Variants in CNKSR3 observed in about 807,000 individuals in gnomAD.
CNKSR3 encodes the protein CNKSR family member 3.
CNKSR3 carries 36 observed loss-of-function variants against 67.7 expected under a neutral mutation model. The observed-to-expected ratio is 0.53, with a 90% CI of 0.41 to 0.70. The LOEUF is 0.70. Ranked by LOEUF, CNKSR3 falls within the 30% of genes least tolerant of loss-of-function variation. CNKSR3 has a pLI of 0.00. For missense variants in CNKSR3, 630 were observed against 695.2 expected (o/e 0.91, Z 1.05); for synonymous variants, 281 against 271.4 (o/e 1.04, Z -0.35).
intron 1 of CNKSR3, among the ~76,000 whole-genome samples, chr6:154,487,186 T>C (rs983769261): frequency 3.3e-5 from 5 of 152,246 alleles, no homozygotes; most frequent in Admixed American, 2.0e-4. Flanking sequence ...AGTTTACTAT[T>C]TATAAAAGGC....
intron 1 of CNKSR3, among the ~76,000 whole-genome samples, chr6:154,489,570 T>A (rs959598103): frequency 5.9e-5 from 9 of 151,862 alleles, no homozygotes; most frequent in Non-Finnish European, 1.2e-4. Context: ...AAAGTCACTC[T>A]ATTGTATATT....
At chr6:154,420,774 T>C (rs1460173775) in intron 9 of CNKSR3, among the ~76,000 whole-genome samples, 1 of 151,878 alleles carries the variant, frequency 6.6e-6, no homozygotes, top group Admixed American at 6.6e-5. Context: ...TTTTAAGTGT[T>C]CTTGCCACAA....
chr6:154,477,719 C>G (rs1290579366), intron 1 of CNKSR3, among the ~76,000 whole-genome samples: 2 of 152,126 alleles, frequency 1.3e-5, no homozygotes, highest in African/African-American at 2.4e-5. Context: ...TTGGGCCCAC[C>G]CAAGGTAGCC....
chr6:154,476,045 G>A (rs1170958550), intron 1 of CNKSR3, among the ~76,000 whole-genome samples: 8 of 151,778 alleles, frequency 5.3e-5, no homozygotes, highest in South Asian at 2.1e-4. Context: ...TTTCGGATAT[G>A]GATGGTTCAG....
intron 2 of CNKSR3, among the ~76,000 whole-genome samples, chr6:154,446,605 T>C (rs1464962025): frequency 1.3e-5 from 2 of 152,170 alleles, no homozygotes; most frequent in East Asian, 3.8e-4. Context: ...GCATAAGCAC[T>C]CTAGGCCCAT....
At position 154,399,620 on chromosome 6, in the gene CNKSR3, C is replaced by A. The variant is rs1225139275; in HGVS notation, c.*6734G>T. ...AAAGTCAAAGGCTTCTAAATTCGCG[C>A]TAATTCCTCAAATCCCTCCTCTTAT... On this transcript the variant is annotated 3_prime_UTR_variant, in exon 13 of 13. Transcript: ENST00000607772. 6.6e-6 allele frequency: 1 copy of A among 152,028 alleles called. No homozygotes were observed. The highest frequency in any genetic ancestry group is 6.6e-5 in the Admixed American group (1 of 15,258). The allele number at this position is 152,028 out of a possible 1,614,324, so 9.4% of individuals were successfully genotyped here. A position where few individuals can be genotyped will look rare whatever the true frequency, so the allele number is the denominator to read the frequency against.
chr6:154,459,489 C>A (rs1369935933), intron 1 of CNKSR3, among the ~76,000 whole-genome samples: 1 of 150,144 alleles, frequency 6.7e-6, no homozygotes, highest in Non-Finnish European at 1.5e-5. Context: ...TAGACTCTTA[C>A]CCATTTGGGA....
At chr6:154,499,431 G>A (rs1483352781) in intron 1 of CNKSR3, among the ~76,000 whole-genome samples, 1 of 152,178 alleles carries the variant, frequency 6.6e-6, no homozygotes, top group Admixed American at 6.5e-5. Context: ...TGATTCTGCA[G>A]GTCTGGGGTG....
At chr6:154,425,543 C>T (rs1464779548) in intron 7 of CNKSR3, among the ~76,000 whole-genome samples, 1 of 152,136 alleles carries the variant, frequency 6.6e-6, no homozygotes, top group Admixed American at 6.6e-5. Flanking sequence ...AATAATGCAC[C>T]CATTCTTCAG....
At chr6:154,501,631 T>C (rs1178145726) in intron 1 of CNKSR3, among the ~76,000 whole-genome samples, 1 of 145,752 alleles carries the variant, frequency 6.9e-6, no homozygotes, top group Non-Finnish European at 1.5e-5. Context: ...CATTCATGCC[T>C]AAATGTCACC....
intron 9 of CNKSR3, among the ~76,000 whole-genome samples, chr6:154,416,583 C>G (rs1785028801): frequency 6.6e-6 from 1 of 152,046 alleles, no homozygotes; most frequent in Non-Finnish European, 1.5e-5. Context: ...CTCTCATTTC[C>G]CAGGAGTGTG....
rs1236234711 is a variant in CNKSR3 at position 154,394,990 on chromosome 6, G to C, written c.*11364C>G. 1 of 152,232 alleles carries C rather than the reference G, an allele frequency of 6.6e-6. No individual in the cohort carries two copies. Among genetic ancestry groups the C allele is most frequent in the Non-Finnish European group, 1.5e-5 (1 of 68,090 alleles). The allele number at this position is 152,232 out of a possible 1,614,324, so 9.4% of individuals were successfully genotyped here. ...AATGAATCTAGGAGAGAGGTGACTG[G>C]TTTGGGCTGCATCAGGAAAATGCGA... On this transcript the variant is annotated 3_prime_UTR_variant, in exon 13 of 13. Transcript: ENST00000607772.
chr6:154,399,866 T>TA lies in CNKSR3; in HGVS notation c.*6487dup, dbSNP rs1331092299. 6.6e-6 allele frequency: 1 copy of TA among 152,166 alleles called. No individual in the cohort carries two copies. Among genetic ancestry groups the TA allele is most frequent in the Non-Finnish European group, 1.5e-5 (1 of 68,012 alleles). The allele number at this position is 152,166 out of a possible 1,614,324, so 9.4% of individuals were successfully genotyped here. On this transcript the variant is annotated 3_prime_UTR_variant, in exon 13 of 13. Transcript: ENST00000607772. ...TCTTAAAATCCAGTTTTCACCCCTC[T>TA]AACAATAAAGTTAAATCCTCCCCTT...
intron 1 of CNKSR3, among the ~76,000 whole-genome samples, chr6:154,501,422 G>C (rs886759733): frequency 3.3e-5 from 5 of 152,076 alleles, no homozygotes; most frequent in Non-Finnish European, 7.4e-5. Flanking sequence ...CGACTTGTAA[G>C]AACCTACATG....
Position 154,394,844 on chromosome 6 carries a change from A to AT in CNKSR3, c.*11509dup, listed in dbSNP as rs1336605066. ...CCCACGCTGTTCACAAGAAGAGCAT[A>AT]TAGAGAACCTGCATATATAAAGCTG... is the stretch of plus-strand genomic sequence containing the variant. On this transcript the variant is annotated 3_prime_UTR_variant, in exon 13 of 13. Coordinates refer to ENST00000607772, the MANE Select transcript of CNKSR3 (RefSeq NM_173515.4). 3 of 152,232 alleles carry AT rather than the reference A, an allele frequency of 2.0e-5. No individual in the cohort carries two copies. The highest frequency in any genetic ancestry group is 2.1e-4 in the South Asian group (1 of 4,834). The allele number at this position is 152,232 out of a possible 1,614,324, so 9.4% of individuals were successfully genotyped here.
intron 1 of CNKSR3, among the ~76,000 whole-genome samples, chr6:154,476,283 CCT>C (rs1190729510): frequency 1.3e-5 from 2 of 151,948 alleles, no homozygotes; most frequent in Non-Finnish European, 2.9e-5. Flanking sequence ...ATGGCGAGAC[CCT>C]GTCTCTACTA....
At chr6:154,442,348 C>T (rs561604559) in intron 2 of CNKSR3, 58 bp from the exon 3 acceptor site, 7 of 1,458,314 alleles carry the variant, frequency 4.8e-6, no homozygotes, top group Non-Finnish European at 6.7e-6. Context: ...TTCGACAGGG[C>T]GCGGTGGCTC....
At chr6:154,461,405 T>C (rs1036923145) in intron 1 of CNKSR3, among the ~76,000 whole-genome samples, 1 of 152,244 alleles carries the variant, frequency 6.6e-6, no homozygotes, top group African/African-American at 2.4e-5. Context: ...GCATAATTTA[T>C]AGTTGCTGTT....
intron 1 of CNKSR3, among the ~76,000 whole-genome samples, chr6:154,505,327 CCCGTGGCTTAGA>C (rs906686496): frequency 6.7e-5 from 10 of 149,614 alleles, no homozygotes; most frequent in Admixed American, 5.9e-4. Flanking sequence ...AAGAGCAAGT[CCCGTGGCTTAGA>C]CCTTGAGCAA....
Sources: gnomAD v4.1 joint callset for allele counts (sites outside exome capture counted in the v4.1 genomes callset) on GRCh38, gnomAD v4.1.1 for gene constraint, MANE v1.5 for transcripts, NCBI Gene and HGNC (gene_info 2026-07-23, HGNC 2026-07-21) for gene names.